The following C11orf65 variants were observed in gnomAD, a reference collection of about 807,000 sequenced individuals.
The protein encoded by C11orf65 is protein MFI.
In C11orf65, 38 loss-of-function variants were observed where a neutral mutation model predicts 35.3. The ratio of observed to expected loss-of-function variants is 1.08; its 90% confidence interval spans 0.83 to 1.41. The LOEUF is 1.41. Ranked by LOEUF, C11orf65 falls within the 40% of genes most tolerant of loss-of-function variation. The probability of loss-of-function intolerance (pLI) is 0.00; values close to 1 mark genes in which losing one functional copy is unlikely to be tolerated. For synonymous variants in C11orf65, 105 were observed against 114.4 expected (o/e 0.92, Z 0.53); for missense variants, 370 against 367.1 (o/e 1.01, Z -0.06).
intron 1 of C11orf65, among the ~76,000 whole-genome samples, chr11:108,464,631 A>C (rs1050487246): frequency 3.3e-5 from 5 of 152,174 alleles, no homozygotes; most frequent in Non-Finnish European, 7.3e-5. Flanking sequence ...AAGCGCTGGG[A>C]TTACAGGCAT....
Position 108,435,239 on chromosome 11 carries a change from T to C in C11orf65, c.82-3401A>G, listed in dbSNP as rs374844109. ...GGTCTTAGTTTCCACAGGAAGAACG[T>C]TTCCACCAAAGTACATACCAATGTT... On this transcript the variant is annotated intron_variant, in intron 2 of 8. Transcript: ENST00000393084. Among the ~76,000 whole-genome samples, 94 of 152,214 alleles carry C rather than the reference T, an allele frequency of 6.2e-4. 1 individual carries two copies. Among genetic ancestry groups the C allele is most frequent in the African/African-American group, 2.1e-3 (87 of 41,536 alleles).
intron 2 of C11orf65, among the ~76,000 whole-genome samples, chr11:108,359,274 A>G (rs1739390147): frequency 2.6e-5 from 4 of 151,842 alleles, no homozygotes; most frequent in African/African-American, 9.7e-5. Context: ...CACCCAATAC[A>G]GGAGCACCCA....
intron 2 of C11orf65, among the ~76,000 whole-genome samples, chr11:108,349,879 T>C (rs1311771073): frequency 6.6e-6 from 1 of 152,154 alleles, no homozygotes; most frequent in African/African-American, 2.4e-5. Flanking sequence ...GCATTGGCTT[T>C]AGATTGGAGG....
rs150355232 is a variant in C11orf65, at chr11:108,332,781, A to G, written c.300-1214T>C. 4 of 1,613,106 alleles carry G rather than the reference A, an allele frequency of 2.5e-6. No homozygotes were observed. In the African/African-American group the frequency reaches 4.0e-5, roughly 16 times the overall value. ...TAATAGGATCGAACAGAGGCTGCAAATAGAATAATATGTACTATCAGAAGT... is the reference window on the plus strand; with the variant it reads ...TAATAGGATCGAACAGAGGCTGCAAGTAGAATAATATGTACTATCAGAAGT... On this transcript the variant is annotated intron_variant, in intron 3 of 3. Transcript: ENST00000524755.
intron 2 of C11orf65, among the ~76,000 whole-genome samples, chr11:108,457,903 T>C (rs1243231088): frequency 6.6e-6 from 1 of 152,122 alleles, no homozygotes; most frequent in African/African-American, 2.4e-5. Context: ...TGACTGTATC[T>C]AGAATCAAGA....
chr11:108,377,121 C>T (rs1428346953), intron 2 of C11orf65, among the ~76,000 whole-genome samples: 1 of 151,264 alleles, frequency 6.6e-6, no homozygotes, highest in African/African-American at 2.4e-5. Context: ...TCCTCCCTAA[C>T]TCATTTTATG....
chr11:108,421,074 CT>C (rs2092808822), intron 3 of C11orf65, among the ~76,000 whole-genome samples: 1 of 152,224 alleles, frequency 6.6e-6, no homozygotes, highest in Non-Finnish European at 1.5e-5. Flanking sequence ...CAAGCAGTCA[CT>C]TCCTTCACCC....
At chr11:108,422,922 C>T (rs1213202923) in intron 3 of C11orf65, among the ~76,000 whole-genome samples, 2 of 151,078 alleles carry the variant, frequency 1.3e-5, no homozygotes, top group East Asian at 3.9e-4. Flanking sequence ...ACACCATACA[C>T]AGAGGTCAGT....
At chr11:108,346,833 T>C (rs1255884491) in intron 2 of C11orf65, among the ~76,000 whole-genome samples, 1 of 152,122 alleles carries the variant, frequency 6.6e-6, no homozygotes, top group Non-Finnish European at 1.5e-5. Context: ...GAATTAATGA[T>C]TAATTTGTGT....
downstream of C11orf65, among the ~76,000 whole-genome samples, chr11:108,331,005 C>A (rs2086181805): frequency 6.6e-6 from 1 of 152,060 alleles, no homozygotes; most frequent in African/African-American, 2.4e-5. Flanking sequence ...GTTTCTCCTG[C>A]AGGAAAATAA....
intron 6 of C11orf65, among the ~76,000 whole-genome samples, chr11:108,404,878 G>T (rs1168915699): frequency 1.3e-5 from 2 of 152,194 alleles, no homozygotes; most frequent in Admixed American, 6.5e-5. Context: ...CGATCAGGCT[G>T]CTGGGAAAAA....
chr11:108,378,864 A>G (rs1484952033), downstream of C11orf65, among the ~76,000 whole-genome samples: 33 of 151,248 alleles, frequency 2.2e-4, 1 homozygote, highest in Admixed American at 2.2e-3. Flanking sequence ...GCAGCCAAAA[A>G]ACACATGAAA....
chr11:108,405,581 C>A, intron 5 of C11orf65, 22 bp from the exon 6 acceptor site: 1 of 1,608,570 alleles, frequency 6.2e-7, no homozygotes, highest in East Asian at 2.2e-5. Flanking sequence ...CAAAAATGAA[C>A]ATACAAAATG....
At chr11:108,410,455 C>T (rs1414563347) in intron 3 of C11orf65, among the ~76,000 whole-genome samples, 2 of 152,136 alleles carry the variant, frequency 1.3e-5, no homozygotes, top group African/African-American at 2.4e-5. Context: ...CCTGACTCAA[C>T]TGATCCTTCT....
chr11:108,447,958 A>C (rs2093288355), intron 2 of C11orf65, among the ~76,000 whole-genome samples: 1 of 152,252 alleles, frequency 6.6e-6, no homozygotes, highest in South Asian at 2.1e-4. Context: ...GGATATCACC[A>C]CCAATCCCAC....
Position 108,332,769 on chromosome 11 carries a change from C to T in C11orf65, c.300-1202G>A, listed in dbSNP as rs2086404569. The T allele has an allele frequency of 6.2e-7, 1 of 1,612,682 alleles. No individual in the cohort carries two copies. Among genetic ancestry groups the T allele is most frequent in the Non-Finnish European group, 8.5e-7 (1 of 1,179,666 alleles). ...TTTGTTTTTTATTAATAGGATCGAA[C>T]AGAGGCTGCAAATAGAATAATATGT... On this transcript the variant is annotated intron_variant, in intron 3 of 3. Transcript: ENST00000524755.
chr11:108,454,541 G>A (rs768992944), intron 2 of C11orf65, among the ~76,000 whole-genome samples: 7 of 152,044 alleles, frequency 4.6e-5, no homozygotes, highest in African/African-American at 1.4e-4. Flanking sequence ...CAGGTGATCC[G>A]CCCACCTTGG....
chr11:108,349,196 A>G (rs2088864098), intron 2 of C11orf65, among the ~76,000 whole-genome samples: 1 of 152,250 alleles, frequency 6.6e-6, no homozygotes, highest in Non-Finnish European at 1.5e-5. Context: ...TGAAAGAAGT[A>G]GTGCTCAATA....
At chr11:108,449,975 T>G (rs745838722) in intron 2 of C11orf65, among the ~76,000 whole-genome samples, 2 of 150,972 alleles carry the variant, frequency 1.3e-5, no homozygotes, top group African/African-American at 2.4e-5. Flanking sequence ...GGGCCAAGGA[T>G]ATGAACAGAC....
Sources: gnomAD v4.1 joint callset for allele counts (sites outside exome capture counted in the v4.1 genomes callset) on GRCh38, gnomAD v4.1.1 for gene constraint, MANE v1.5 for transcripts, NCBI Gene and HGNC (gene_info 2026-07-23, HGNC 2026-07-21) for gene names.